The following CACNB2 variants were observed in gnomAD, a reference collection of about 807,000 sequenced individuals.
CACNB2 encodes voltage-dependent L-type calcium channel subunit beta-2.
A neutral mutation model predicts 73.3 loss-of-function variants in CACNB2; 42 were observed. The observed-to-expected ratio is 0.57, with a 90% CI of 0.45 to 0.74. The LOEUF is 0.74. CACNB2 is among the 30% of genes least tolerant of loss of function. CACNB2 has a pLI of 0.00. For missense variants in CACNB2, 940 were observed against 853.0 expected, an observed-to-expected ratio of 1.10 and a Z score of -1.27; for synonymous variants, 348 against 310.3, an observed-to-expected ratio of 1.12 and a Z score of -1.28.
At chr10:18,411,185 A>G (rs910479668) in intron 3 of CACNB2, among the ~76,000 whole-genome samples, 2 of 152,156 alleles carry the variant, frequency 1.3e-5, no homozygotes, top group Non-Finnish European at 2.9e-5. Flanking sequence ...CTGGCTGAAT[A>G]TGTCTAATTT....
chr10:18,196,590 T>C (rs1202282400), intron 2 of CACNB2, among the ~76,000 whole-genome samples: 1 of 152,168 alleles, frequency 6.6e-6, no homozygotes, highest in African/African-American at 2.4e-5. Flanking sequence ...AGTGATGGGA[T>C]TACAGGTATG....
At chr10:18,495,582 T>TGTGTGTGTTTGTGTGTGTG (rs1554830735) in intron 3 of CACNB2, among the ~76,000 whole-genome samples, 7 of 135,362 alleles carry the variant, frequency 5.2e-5, no homozygotes, top group African/African-American at 1.9e-4. Flanking sequence ...TGTGTGTGTG[T>TGTGTGTGTTTGTGTGTGTG]GTGTGTGTGT....
At chr10:18,476,649 C>A (rs898918077) in intron 3 of CACNB2, among the ~76,000 whole-genome samples, 3 of 152,008 alleles carry the variant, frequency 2.0e-5, no homozygotes, top group Non-Finnish European at 2.9e-5. Flanking sequence ...AAAGTTATAC[C>A]CCTTTGTAAA....
intron 2 of CACNB2, among the ~76,000 whole-genome samples, chr10:18,273,860 A>G (rs552381152): frequency 1.3e-5 from 2 of 152,314 alleles, no homozygotes; most frequent in Admixed American, 6.5e-5. Flanking sequence ...GAAATACCAC[A>G]TACTCTTTCA....
chr10:18,332,200 C>T (rs1707911652), intron 2 of CACNB2, among the ~76,000 whole-genome samples: 1 of 152,156 alleles, frequency 6.6e-6, no homozygotes, highest in African/African-American at 2.4e-5. Flanking sequence ...TTATAAAGAC[C>T]TCTTTGGCTG....
rs144161198 is a variant in CACNB2, at chr10:18,201,162, G to A, written c.213+50187G>A. 4.7e-4 allele frequency among the ~76,000 whole-genome samples: 71 copies of A among 152,054 alleles called. No homozygotes were observed. In the East Asian group the frequency reaches 7.0e-3, roughly 15 times the overall value. Reference sequence around the variant, plus strand: ...TTACTATTTTATTCATTCAATGGACGTATAGTGAGCACTATCATTTTCTAG... The same window carrying A: ...TTACTATTTTATTCATTCAATGGACATATAGTGAGCACTATCATTTTCTAG... On this transcript the variant is annotated intron_variant, in intron 2 of 13. Coordinates refer to ENST00000324631, the MANE Select transcript of CACNB2 (RefSeq NM_201596.3).
intron 2 of CACNB2, among the ~76,000 whole-genome samples, chr10:18,259,987 G>A (rs1033474556): frequency 6.6e-6 from 1 of 152,204 alleles, no homozygotes; most frequent in Non-Finnish European, 1.5e-5. Flanking sequence ...AAAGGATGTA[G>A]TGGTGGTTAA....
At chr10:18,424,812 CT>C (rs1319950086) in intron 3 of CACNB2, among the ~76,000 whole-genome samples, 2 of 152,124 alleles carry the variant, frequency 1.3e-5, no homozygotes, top group Non-Finnish European at 2.9e-5. Flanking sequence ...ACCATAATTT[CT>C]TTTTACCAAT....
chr10:18,399,679 A>G (rs748399245), intron 2 of CACNB2, among the ~76,000 whole-genome samples: 10 of 152,090 alleles, frequency 6.6e-5, no homozygotes, highest in Non-Finnish European at 1.5e-4. Flanking sequence ...CACTGCAGCC[A>G]GCTGTGGTTC....
intron 2 of CACNB2, among the ~76,000 whole-genome samples, chr10:18,329,127 T>G (rs1428422570): frequency 6.6e-6 from 1 of 152,182 alleles, no homozygotes; most frequent in African/African-American, 2.4e-5. Flanking sequence ...AGGATTTTCT[T>G]TTTATTCTTA....
chr10:18,468,714 C>G (rs1388752962), intron 3 of CACNB2, among the ~76,000 whole-genome samples: 1 of 152,022 alleles, frequency 6.6e-6, no homozygotes, highest in Non-Finnish European at 1.5e-5. Flanking sequence ...ATTCTCCTGC[C>G]TCAGCCTGTG....
At chr10:18,294,050 A>G (rs1400435070) in intron 2 of CACNB2, among the ~76,000 whole-genome samples, 1 of 152,154 alleles carries the variant, frequency 6.6e-6, no homozygotes, top group African/African-American at 2.4e-5. Context: ...TGAGTTCAGG[A>G]GGAGAATAAA....
intron 2 of CACNB2, among the ~76,000 whole-genome samples, chr10:18,183,684 A>T (rs2034003698): frequency 6.6e-6 from 1 of 152,204 alleles, no homozygotes. Flanking sequence ...CTCCCATGAC[A>T]TGCAGGAATT....
intron 1 of CACNB2, among the ~76,000 whole-genome samples, chr10:18,149,614 A>G (rs1406492092): frequency 6.6e-6 from 1 of 152,212 alleles, no homozygotes; most frequent in Non-Finnish European, 1.5e-5. Context: ...TAAGTGCTAC[A>G]TATATTATGG....
At chr10:18,261,201 T>G (rs2037520891) in intron 2 of CACNB2, 5 of 1,549,658 alleles carry the variant, frequency 3.2e-6, no homozygotes, top group Non-Finnish European at 4.4e-6. Context: ...GGACCGAGGC[T>G]GTGACGAGAA....
At position 18,291,617 on chromosome 10, in the gene CACNB2, A is replaced by G. The variant is rs1160252635; in HGVS notation, c.214-110307A>G. Among the ~76,000 whole-genome samples the G allele has an allele frequency of 2.0e-5, 3 of 152,290 alleles. No homozygotes were observed. In the East Asian group the frequency reaches 5.8e-4, roughly 29 times the overall value. On this transcript the variant is annotated intron_variant, in intron 2 of 13. Coordinates refer to ENST00000324631, the MANE Select transcript of CACNB2 (RefSeq NM_201596.3). The stretch of plus-strand genomic sequence containing the variant: ...TTATGATATCTGTGTCTGGCAAACC[A>G]GAGAACTTTTTGCATTTGGGTAACA...
intron 2 of CACNB2, chr10:18,238,431 AAC>A (rs2036530003): frequency 6.6e-6 from 1 of 152,164 alleles, no homozygotes; most frequent in Admixed American, 6.6e-5. Context: ...TCTTATCAGA[AAC>A]ACACTTCATT....
chr10:18,196,210 C>A (rs2034614250), intron 2 of CACNB2, among the ~76,000 whole-genome samples: 1 of 152,024 alleles, frequency 6.6e-6, no homozygotes. Flanking sequence ...GGGGTTTGTA[C>A]CCACTATGTG....
At chr10:18,483,296 C>A (rs7067797) in intron 3 of CACNB2, among the ~76,000 whole-genome samples, 2 of 151,042 alleles carry the variant, frequency 1.3e-5, no homozygotes, top group African/African-American at 2.4e-5. Context: ...TTTGGGAGGC[C>A]GAGGCCGGTG....
Sources: gnomAD v4.1 joint callset for allele counts (sites outside exome capture counted in the v4.1 genomes callset) on GRCh38, gnomAD v4.1.1 for gene constraint, MANE v1.5 for transcripts, NCBI Gene and HGNC (gene_info 2026-07-23, HGNC 2026-07-21) for gene names.